Variants in HPGDS observed in about 807,000 individuals in gnomAD.
The protein encoded by HPGDS is GST class-sigma.
A neutral mutation model predicts 23.1 loss-of-function variants in HPGDS; 26 were observed. The observed-to-expected ratio is 1.13, with a 90% CI of 0.83 to 1.56. HPGDS has a LOEUF of 1.56. Among genes scored for constraint, HPGDS ranks in the 40% most tolerant of loss-of-function variants. HPGDS has a pLI of 0.00. For missense variants in HPGDS, 268 were observed against 236.4 expected (o/e 1.13, Z -0.88); for synonymous variants, 95 against 77.9 (o/e 1.22, Z -1.16).
At chr4:94,332,370 C>T (rs1455265707) in intron 2 of HPGDS, among the ~76,000 whole-genome samples, 1 of 152,230 alleles carries the variant, frequency 6.6e-6, no homozygotes, top group Non-Finnish European at 1.5e-5. Flanking sequence ...CCAAAAAAGG[C>T]TGTCGCACTG....
chr4:94,312,662 G>A (rs1239599786), intron 3 of HPGDS, among the ~76,000 whole-genome samples: 1 of 152,122 alleles, frequency 6.6e-6, no homozygotes, highest in Non-Finnish European at 1.5e-5. Context: ...GGTCCACTTG[G>A]TGCAGAGCTG....
chr4:94,338,047 T>C (rs1228545837), intron 1 of HPGDS, among the ~76,000 whole-genome samples: 2 of 152,250 alleles, frequency 1.3e-5, no homozygotes, highest in Non-Finnish European at 2.9e-5. Flanking sequence ...TCTGTAGTTA[T>C]TTGCATAATT....
In HPGDS at chr4:94,316,025, C is replaced by T. The variant is rs145503038; in HGVS notation, c.226+1848G>A. Among the ~76,000 whole-genome samples the T allele has an allele frequency of 4.2e-3, 646 of 152,234 alleles. 1 individual carries two copies. The highest frequency in any genetic ancestry group is 0.015 in the African/African-American group (605 of 41,530). ...GCAGTCATCACACCTTTTCTCAAAC[C>T]AGCTCTCCTTTTTTTACCCAACAAA... On this transcript the variant is annotated intron_variant, in intron 3 of 5. Coordinates refer to ENST00000295256, the MANE Select transcript of HPGDS (RefSeq NM_014485.3).
At chr4:94,336,663 A>C (rs1375842504) in intron 1 of HPGDS, among the ~76,000 whole-genome samples, 1 of 152,190 alleles carries the variant, frequency 6.6e-6, no homozygotes, top group Non-Finnish European at 1.5e-5. Flanking sequence ...AGAACTATAC[A>C]TATAAAGGAG....
intron 4 of HPGDS, among the ~76,000 whole-genome samples, chr4:94,307,968 T>A (rs1756170149): frequency 6.6e-6 from 1 of 152,026 alleles, no homozygotes; most frequent in Non-Finnish European, 1.5e-5. Flanking sequence ...AAGAGAAAAA[T>A]TGTTATTTCA....
intron 2 of HPGDS, among the ~76,000 whole-genome samples, chr4:94,321,464 G>A (rs1381107530): frequency 6.6e-6 from 1 of 152,152 alleles, no homozygotes; most frequent in Non-Finnish European, 1.5e-5. Context: ...AGTTCTCCTT[G>A]AAGAGGTCCT....
chr4:94,338,953 C>G (rs1721081852), intron 1 of HPGDS, among the ~76,000 whole-genome samples: 1 of 152,122 alleles, frequency 6.6e-6, no homozygotes, highest in Non-Finnish European at 1.5e-5. Flanking sequence ...ACCTGATGTA[C>G]CAGATAGCAA....
intron 2 of HPGDS, among the ~76,000 whole-genome samples, chr4:94,321,279 G>GT (rs1303164086): frequency 7.2e-5 from 11 of 152,176 alleles, no homozygotes; most frequent in Admixed American, 2.0e-4. Context: ...CTTTAAAGTA[G>GT]TTTTTTCCAA....
At chr4:94,313,946 T>C (rs956583894) in intron 3 of HPGDS, among the ~76,000 whole-genome samples, 1 of 152,218 alleles carries the variant, frequency 6.6e-6, no homozygotes, top group Admixed American at 6.5e-5. Context: ...CTGAAGCTTG[T>C]GCATTCATCA....
intron 1 of HPGDS, among the ~76,000 whole-genome samples, chr4:94,337,876 C>T (rs958605903): frequency 2.0e-5 from 3 of 152,182 alleles, no homozygotes; most frequent in African/African-American, 7.2e-5. Flanking sequence ...TAAAAATTCT[C>T]AGCATAGGTT....
intron 2 of HPGDS, among the ~76,000 whole-genome samples, chr4:94,332,106 G>A (rs1033768043): frequency 2.0e-5 from 3 of 152,154 alleles, no homozygotes; most frequent in African/African-American, 2.4e-5. Context: ...AAAGAAAAGC[G>A]GCCCAGCTGG....
chr4:94,309,117 A>AT (rs1215346987), intron 3 of HPGDS, among the ~76,000 whole-genome samples: 6 of 67,916 alleles, frequency 8.8e-5, no homozygotes, highest in Non-Finnish European at 1.7e-4. Flanking sequence ...GCCACAATTT[A>AT]TTTTTTTATT....
intron 2 of HPGDS, among the ~76,000 whole-genome samples, chr4:94,328,902 A>G (rs80078091): frequency 0.016 from 2,476 of 152,332 alleles, 56 homozygotes; most frequent in African/African-American, 0.055. Context: ...TCCTTCAAGT[A>G]TCTTTCATAT....
At chr4:94,328,167 C>T (rs936632736) in intron 2 of HPGDS, among the ~76,000 whole-genome samples, 1 of 152,228 alleles carries the variant, frequency 6.6e-6, no homozygotes, top group African/African-American at 2.4e-5. Flanking sequence ...CCTCCCGGCT[C>T]CAAGCTGATT....
chr4:94,302,339 A>G, intron 4 of HPGDS, 95 bp from the exon 5 acceptor site: 1 of 825,630 alleles, frequency 1.2e-6, no homozygotes, highest in Non-Finnish European at 2.0e-6. Flanking sequence ...ATTCTCCCAC[A>G]TGAATTCAAG....
At chr4:94,321,993 A>T (rs987177700) in intron 2 of HPGDS, among the ~76,000 whole-genome samples, 12 of 152,272 alleles carry the variant, frequency 7.9e-5, no homozygotes, top group African/African-American at 2.9e-4. Context: ...AATTTTGTTG[A>T]AGGCCTTTTC....
At position 94,317,874 on chromosome 4, in the gene HPGDS, T is replaced by A; in HGVS notation, c.225A>T (p.Thr75=). The A allele has an allele frequency of 6.4e-7, 1 of 1,574,150 alleles. No homozygotes were observed. The stretch of plus-strand genomic sequence containing the variant: ...TCTTAAGCACAATAAACATGTTACC[T>A]GTGTTTTTGGTCAAATATCTTGCTA... ...LAIARYLTKN[T]DLAGNTEMEQ... The change falls in exon 3 of 6, where the codon ACA becomes ACT. Residue 75 remains threonine, a splice_region_variant and synonymous_variant. Transcript: ENST00000295256.
In HPGDS at chr4:94,299,720, T is replaced by C; in HGVS notation, c.436-76A>G. ...ATCAGCATTCCAAAATTGAAATTAG[T>C]TTCTTAATCTAAAAGATTCAAAACA... is the stretch of plus-strand genomic sequence containing the variant. On this transcript the variant is annotated intron_variant, in intron 5 of 5. Coordinates refer to ENST00000295256, the MANE Select transcript of HPGDS (RefSeq NM_014485.3). 3.1e-6 allele frequency: 4 copies of C among 1,303,730 alleles called. No individual in the cohort carries two copies. In the South Asian group the frequency reaches 4.3e-5, roughly 14 times the overall value. 80.8% of individuals were successfully genotyped at this position (1,303,730 alleles called of 1,614,324 possible).
chr4:94,306,639 T>G (rs1419633818), intron 4 of HPGDS, among the ~76,000 whole-genome samples: 15 of 152,106 alleles, frequency 9.9e-5, no homozygotes, highest in Admixed American at 6.6e-5. Flanking sequence ...ATGTTCTTCA[T>G]TTTACATTAC....
Sources: gnomAD v4.1 joint callset for allele counts (sites outside exome capture counted in the v4.1 genomes callset) on GRCh38, gnomAD v4.1.1 for gene constraint, MANE v1.5 for transcripts, NCBI Gene and HGNC (gene_info 2026-07-23, HGNC 2026-07-21) for gene names.